Variants in CADPS2 observed in about 807,000 individuals in gnomAD.
CADPS2 encodes the protein calcium dependent secretion activator 2, also known as calcium-dependent secretion activator 2.
In CADPS2, 93 loss-of-function variants were observed where a neutral mutation model predicts 172.5. The ratio of observed to expected loss-of-function variants is 0.54; its 90% confidence interval spans 0.46 to 0.64. CADPS2 has a LOEUF of 0.64. Ranked by LOEUF, CADPS2 falls within the 30% of genes least tolerant of loss-of-function variation. The probability of loss-of-function intolerance (pLI) is 0.00; values close to 1 mark genes in which losing one functional copy is unlikely to be tolerated. For synonymous variants in CADPS2, 546 were observed against 555.2 expected (o/e 0.98, Z 0.23); for missense variants, 1,420 against 1,565.9 (o/e 0.91, Z 1.57).
intron 6 of CADPS2, among the ~76,000 whole-genome samples, chr7:122,583,672 C>T (rs531218130): frequency 2.0e-5 from 3 of 150,738 alleles, no homozygotes; most frequent in South Asian, 2.1e-4. Flanking sequence ...AGATATTGTA[C>T]GTGTGTATAT....
chr7:122,727,437 A>T (rs1008565753), intron 2 of CADPS2, among the ~76,000 whole-genome samples: 3 of 151,638 alleles, frequency 2.0e-5, no homozygotes, highest in African/African-American at 7.3e-5. Context: ...TTACTTACCC[A>T]CAGCCCACCT....
At chr7:122,388,890 T>C (rs553040629) in intron 22 of CADPS2, among the ~76,000 whole-genome samples, 152 bp from the exon 23 acceptor site, 1 of 152,248 alleles carries the variant, frequency 6.6e-6, no homozygotes, top group African/African-American at 2.4e-5. Context: ...TGTTCAGCCT[T>C]CTAATTGTTC....
chr7:122,801,262 T>C (rs1367589699), intron 1 of CADPS2, among the ~76,000 whole-genome samples: 1 of 152,076 alleles, frequency 6.6e-6, no homozygotes. Flanking sequence ...CAAAAGCCAA[T>C]GTACGTTATA....
chr7:122,729,683 T>G (rs1328064029), intron 2 of CADPS2, among the ~76,000 whole-genome samples: 4 of 149,226 alleles, frequency 2.7e-5, no homozygotes, highest in East Asian at 2.0e-4. Flanking sequence ...ACGGTTTTTT[T>G]TTTTTTTTTT....
chr7:122,660,353 G>C (rs1588203718), intron 3 of CADPS2, among the ~76,000 whole-genome samples: 2 of 151,912 alleles, frequency 1.3e-5, no homozygotes, highest in Admixed American at 6.6e-5. Context: ...AACTCTAGGA[G>C]AATCACCAAA....
intron 18 of CADPS2, 107 bp from the exon 19 acceptor site, chr7:122,414,183 T>C (rs2047624643): frequency 1.5e-6 from 1 of 667,488 alleles, no homozygotes; most frequent in Admixed American, 2.9e-5. Flanking sequence ...TTTCAGTATA[T>C]CGTATAGTGA....
intron 1 of CADPS2, among the ~76,000 whole-genome samples, chr7:122,742,795 C>T (rs1461049051): frequency 6.6e-6 from 1 of 152,164 alleles, no homozygotes; most frequent in African/African-American, 2.4e-5. Flanking sequence ...CTGATTCCTT[C>T]ACCTGATGAC....
At chr7:122,434,352 A>G (rs974870902) in intron 17 of CADPS2, among the ~76,000 whole-genome samples, 1 of 152,114 alleles carries the variant, frequency 6.6e-6, no homozygotes, top group African/African-American at 2.4e-5. Flanking sequence ...AAAAAAAAAG[A>G]AAGAAATAGA....
At chr7:122,385,147 A>G (rs1305116473) in intron 24 of CADPS2, among the ~76,000 whole-genome samples, 1 of 152,090 alleles carries the variant, frequency 6.6e-6, no homozygotes, top group Admixed American at 6.6e-5. Flanking sequence ...AGCCACTGGT[A>G]TCTAAGCTAG....
chr7:122,799,747 A>G (rs1303624141), intron 1 of CADPS2, among the ~76,000 whole-genome samples: 1 of 152,158 alleles, frequency 6.6e-6, no homozygotes, highest in Non-Finnish European at 1.5e-5. Context: ...ACTGGCACTC[A>G]TATTAGTCAA....
intron 1 of CADPS2, among the ~76,000 whole-genome samples, chr7:122,842,874 GACA>G (rs1186873969): frequency 1.3e-5 from 2 of 152,130 alleles, no homozygotes; most frequent in African/African-American, 4.8e-5. Context: ...TTAGGTTGAG[GACA>G]ACATGATTTT....
intron 8 of CADPS2, among the ~76,000 whole-genome samples, chr7:122,535,500 T>C (rs2062171368): frequency 6.6e-6 from 1 of 152,078 alleles, no homozygotes; most frequent in Admixed American, 6.6e-5. Flanking sequence ...TCTAAAAAGG[T>C]AATAGTATAC....
intron 25 of CADPS2, among the ~76,000 whole-genome samples, chr7:122,372,436 T>C (rs1381992846): frequency 3.3e-5 from 5 of 152,104 alleles, no homozygotes; most frequent in African/African-American, 1.2e-4. Context: ...AATGTGTATA[T>C]AGTAGGGAGG....
intron 1 of CADPS2, among the ~76,000 whole-genome samples, chr7:122,877,347 A>G (rs1373287263): frequency 6.6e-6 from 1 of 152,250 alleles, no homozygotes; most frequent in Non-Finnish European, 1.5e-5. Flanking sequence ...TTTCCCAGTG[A>G]ATAATGGATC....
intron 1 of CADPS2, among the ~76,000 whole-genome samples, chr7:122,798,467 C>T (rs886902905): frequency 6.6e-6 from 1 of 152,172 alleles, no homozygotes; most frequent in African/African-American, 2.4e-5. Flanking sequence ...TTGTTTATAG[C>T]CTCTGCAGCT....
At chr7:122,468,040 G>T (rs1309672038) in intron 14 of CADPS2, among the ~76,000 whole-genome samples, 7 of 152,220 alleles carry the variant, frequency 4.6e-5, no homozygotes, top group Middle Eastern at 3.4e-3. Context: ...GAAACACTCA[G>T]AGTGCTATTC....
intron 25 of CADPS2, among the ~76,000 whole-genome samples, chr7:122,376,867 A>G (rs978150873): frequency 2.0e-5 from 3 of 152,112 alleles, no homozygotes; most frequent in Non-Finnish European, 4.4e-5. Context: ...AAGCATGTAC[A>G]ATTTTTCTGT....
chr7:122,574,767 A>C (rs1029778547), intron 7 of CADPS2, among the ~76,000 whole-genome samples: 3 of 152,190 alleles, frequency 2.0e-5, no homozygotes, highest in Non-Finnish European at 2.9e-5. Context: ...AAAAAATAAC[A>C]GACACAGACT....
chr7:122,424,292 T>G, intron 17 of CADPS2: 4 of 969,708 alleles, frequency 4.1e-6, no homozygotes, highest in Non-Finnish European at 4.9e-6. Context: ...TTTGGAATAA[T>G]TGTTCTGTCA....
Sources: allele counts gnomAD v4.1 joint callset (sites outside exome capture counted in the v4.1 genomes callset), GRCh38; gene constraint gnomAD v4.1.1; transcripts MANE v1.5; gene names NCBI Gene and HGNC (gene_info 2026-07-23, HGNC 2026-07-21).